Variants in DMD observed in about 807,000 individuals in gnomAD.
The protein encoded by DMD is dystrophin, also known as mutant dystrophin.
A neutral mutation model predicts 330.1 loss-of-function variants in DMD; 63 were observed. The ratio of observed to expected loss-of-function variants is 0.19; its 90% CI spans 0.16 to 0.24. The LOEUF (loss-of-function observed/expected upper bound fraction) is 0.24, where lower values mean the gene tolerates loss of function less well. DMD is among the 10% of genes least tolerant of loss of function. The pLI, the probability that DMD is intolerant of heterozygous loss-of-function variation, is 1.00. For missense variants in DMD, 3,344 were observed against 2,684.1 expected (o/e 1.25, Z -5.43); for synonymous variants, 1,223 against 959.8 (o/e 1.27, Z -5.07).
intron 74 of DMD, among the ~76,000 whole-genome samples, chrX:31,167,101 G>A (rs2039500503): frequency 9.0e-6 from 1 of 111,689 alleles, no homozygotes; most frequent in Non-Finnish European, 1.9e-5. Flanking sequence ...TGGGGAATAT[G>A]CCGCAATTCT....
intron 1 of DMD, among the ~76,000 whole-genome samples, chrX:33,240,056 A>T (rs1220757306): frequency 9.0e-6 from 1 of 111,675 alleles, no homozygotes; most frequent in African/African-American, 3.3e-5. Context: ...CATTCCATAA[A>T]ATCCCAAATC....
At chrX:32,756,943 T>G (rs1165011179) in intron 7 of DMD, among the ~76,000 whole-genome samples, 1 of 111,789 alleles carries the variant, frequency 8.9e-6, no homozygotes, top group Non-Finnish European at 1.9e-5. Flanking sequence ...CATAAGTTCA[T>G]GGTGACATGA....
chrX:32,510,819 C>A (rs912343636), intron 18 of DMD, among the ~76,000 whole-genome samples: 2 of 111,188 alleles, frequency 1.8e-5, no homozygotes, highest in Non-Finnish European at 3.8e-5. Context: ...GGGAGTTGGG[C>A]ACATCCATCT....
At chrX:31,150,591 T>A (rs1010574930) in intron 74 of DMD, among the ~76,000 whole-genome samples, 3 of 112,281 alleles carry the variant, frequency 2.7e-5, no homozygotes, top group African/African-American at 6.5e-5. Context: ...TATCCACAAA[T>A]GTGGGAGATC....
At chrX:33,193,132 C>T (rs1439530412) in intron 1 of DMD, among the ~76,000 whole-genome samples, 1 of 111,374 alleles carries the variant, frequency 9.0e-6, no homozygotes, top group Non-Finnish European at 1.9e-5. Flanking sequence ...CATGGCAAAA[C>T]CCCGTCTCTA....
chrX:32,035,316 T>C (rs1252969845), intron 44 of DMD, among the ~76,000 whole-genome samples: 2 of 111,735 alleles, frequency 1.8e-5, no homozygotes, highest in Non-Finnish European at 3.8e-5. Flanking sequence ...AAACTGATGA[T>C]ATAAAAATCA....
intron 60 of DMD, among the ~76,000 whole-genome samples, chrX:31,428,784 C>T (rs1416486431): frequency 8.9e-6 from 1 of 112,172 alleles, no homozygotes; most frequent in African/African-American, 3.2e-5. Context: ...AGACAATATC[C>T]CTGGCCTCAT....
chrX:31,612,610 T>C (rs4829107), intron 55 of DMD, among the ~76,000 whole-genome samples: 42,890 of 110,568 alleles, frequency 0.39, 6,931 homozygotes, highest in African/African-American at 0.61. Context: ...TGCGCTGTGC[T>C]CAGATTAGTA....
chrX:31,270,739 C>T (rs1159382809), intron 62 of DMD, among the ~76,000 whole-genome samples: 2 of 111,639 alleles, frequency 1.8e-5, no homozygotes, highest in Admixed American at 1.9e-4. Flanking sequence ...TGGCTCTGTC[C>T]GGTTTGTCTT....
intron 63 of DMD, among the ~76,000 whole-genome samples, chrX:31,242,875 T>A (rs1569497295): frequency 9.0e-6 from 1 of 111,282 alleles, no homozygotes; most frequent in Non-Finnish European, 1.9e-5. Context: ...AATATGGTTG[T>A]CATTTGGGTT....
At chrX:31,887,502 T>C (rs752449985) in intron 47 of DMD, among the ~76,000 whole-genome samples, 4 of 112,210 alleles carry the variant, frequency 3.6e-5, no homozygotes, top group Non-Finnish European at 7.5e-5. Context: ...TGACATTGTG[T>C]ACTCTGCCAT....
intron 1 of DMD, among the ~76,000 whole-genome samples, chrX:33,174,205 C>T (rs2049520133): frequency 9.1e-6 from 1 of 109,882 alleles, no homozygotes; most frequent in African/African-American, 3.3e-5. Flanking sequence ...GATCACTTGT[C>T]AGGAGTGCAT....
intron 44 of DMD, among the ~76,000 whole-genome samples, chrX:32,144,882 A>G (rs1377950692): frequency 9.0e-6 from 1 of 110,640 alleles, no homozygotes; most frequent in Non-Finnish European, 1.9e-5. Flanking sequence ...AAAATACAAA[A>G]AATTAGCCAG....
intron 1 of DMD, among the ~76,000 whole-genome samples, chrX:33,054,330 T>C (rs1433509715): frequency 8.9e-6 from 1 of 112,062 alleles, no homozygotes; most frequent in Non-Finnish European, 1.9e-5. Flanking sequence ...TGCCTATATA[T>C]ATATTCCATA....
intron 60 of DMD, among the ~76,000 whole-genome samples, chrX:31,395,273 G>C (rs752271265): frequency 8.9e-6 from 1 of 112,430 alleles, no homozygotes; most frequent in African/African-American, 3.2e-5. Flanking sequence ...GAAGATGCAT[G>C]TGTTCCTGCT....
At chrX:33,330,788 C>G (rs887370668) in intron 1 of DMD, among the ~76,000 whole-genome samples, 1 of 111,657 alleles carries the variant, frequency 9.0e-6, no homozygotes. Flanking sequence ...TTACCCTTTA[C>G]TTTGAATTAC....
intron 63 of DMD, among the ~76,000 whole-genome samples, chrX:31,227,564 G>T (rs1219924013): frequency 3.6e-5 from 4 of 111,291 alleles, no homozygotes; most frequent in Non-Finnish European, 7.5e-5. Flanking sequence ...TTTGGCTTAG[G>T]ACTGACTTGG....
intron 62 of DMD, among the ~76,000 whole-genome samples, chrX:31,299,333 ACT>A (rs1387847827): frequency 1.8e-5 from 2 of 109,746 alleles, no homozygotes; most frequent in East Asian, 5.7e-4. Flanking sequence ...GGAATTGAAA[ACT>A]CTCTCTTTTA....
Position 31,985,767 on chromosome X carries a change from A to T in DMD, c.6439-17253T>A, listed in dbSNP as rs1342519657. On this transcript the variant is annotated intron_variant, in intron 44 of 78. Transcript: ENST00000357033. The stretch of plus-strand genomic sequence containing the variant: ...AAACACATATTGTGGTAATAGGGAC[A>T]AAAGAAAATCACGGGATGCTTTCAC... Among the ~76,000 whole-genome samples, 15 of 112,407 alleles carry T rather than the reference A, an allele frequency of 1.3e-4. No homozygotes were observed. The Admixed American group carries it at 1.4e-3, about 11-fold the overall frequency.
Sources: allele counts gnomAD v4.1 joint callset (sites outside exome capture counted in the v4.1 genomes callset), GRCh38; gene constraint gnomAD v4.1.1; transcripts MANE v1.5; gene names NCBI Gene and HGNC (gene_info 2026-07-23, HGNC 2026-07-21).